SLC25A13: variants seen among roughly 807,000 people sequenced by gnomAD.
SLC25A13 encodes the protein solute carrier family 25 member 13.
Under a neutral mutation model 85.5 loss-of-function variants are expected in SLC25A13, and 70 were observed. The observed-to-expected ratio is 0.82, with a 90% CI of 0.68 to 1.00. SLC25A13 has a LOEUF of 1.00. Among genes scored for constraint, SLC25A13 ranks in the 50% least tolerant of loss-of-function variants. SLC25A13 has a pLI of 0.00. For missense variants in SLC25A13, 765 were observed against 819.8 expected (o/e 0.93, Z 0.82); for synonymous variants, 259 against 288.7 (o/e 0.90, Z 1.04).
chr7:96,141,443 G>A (rs1216098966), intron 14 of SLC25A13, among the ~76,000 whole-genome samples: 6 of 152,206 alleles, frequency 3.9e-5, no homozygotes, highest in Non-Finnish European at 7.3e-5. Flanking sequence ...AGCTCTCAAT[G>A]AGTGTGTTGA....
chr7:96,173,978 T>C (rs961188896), intron 11 of SLC25A13, among the ~76,000 whole-genome samples: 44 of 152,200 alleles, frequency 2.9e-4, no homozygotes, highest in African/African-American at 1.1e-3. Context: ...AAGCAGCCAA[T>C]TGGAAGTCAC....
chr7:96,156,098 CTTCTAAGAGATAAAGA>C, intron 13 of SLC25A13, among the ~76,000 whole-genome samples: 1 of 152,122 alleles, frequency 6.6e-6, no homozygotes, highest in African/African-American at 2.4e-5. Context: ...ACTTTAAGAG[CTTCTAAGAGATAAAGA>C]TAAACCAATG....
chr7:96,314,090 A>AAAGAAGAAGGAAGGAGAAGGAGGAGG (rs1800044552), intron 1 of SLC25A13, among the ~76,000 whole-genome samples: 1 of 152,112 alleles, frequency 6.6e-6, no homozygotes, highest in Non-Finnish European at 1.5e-5. Context: ...ACGAAAGAAG[A>AAAGAAGAAGGAAGGAGAAGGAGGAGG]AAGAAGAAGG....
At chr7:96,250,836 T>C (rs535093771) in intron 3 of SLC25A13, among the ~76,000 whole-genome samples, 2 of 149,286 alleles carry the variant, frequency 1.3e-5, no homozygotes, top group Admixed American at 6.7e-5. Context: ...GAAGGAACCA[T>C]AGAGAGAAAT....
chr7:96,305,914 G>A (rs547236850), intron 1 of SLC25A13, among the ~76,000 whole-genome samples: 1 of 152,302 alleles, frequency 6.6e-6, no homozygotes, highest in Non-Finnish European at 1.5e-5. Flanking sequence ...AAGGAAAGGG[G>A]CTCTCTGCAC....
At chr7:96,223,506 G>A (rs1183461766) in intron 4 of SLC25A13, among the ~76,000 whole-genome samples, 2 of 152,002 alleles carry the variant, frequency 1.3e-5, no homozygotes, top group East Asian at 1.9e-4. Flanking sequence ...TCAAGCTCTC[G>A]GCTAGGCACG....
chr7:96,301,622 T>C (rs1258433287), intron 1 of SLC25A13, among the ~76,000 whole-genome samples: 1 of 151,624 alleles, frequency 6.6e-6, no homozygotes, highest in East Asian at 1.9e-4. Flanking sequence ...AGAGAGGGTT[T>C]TGGTGTTTTG....
At chr7:96,188,213 T>C (rs190970945) in intron 9 of SLC25A13, among the ~76,000 whole-genome samples, 2 of 152,280 alleles carry the variant, frequency 1.3e-5, no homozygotes, top group Non-Finnish European at 2.9e-5. Context: ...CCTCTACACG[T>C]GATTATAGTT....
Position 96,120,303 on chromosome 7 carries a change from T to A in SLC25A13, c.*888A>T. 2.2e-6 allele frequency: 1 copy of A among 454,116 alleles called. No individual in the cohort carries two copies. The highest frequency in any genetic ancestry group is 4.4e-6 in the Non-Finnish European group (1 of 226,770). The allele number at this position is 454,116 out of a possible 1,614,324, so 28.1% of individuals were successfully genotyped here. Reference sequence around the variant, plus strand: ...CAAGGCAACATGAATTAAATACTTATGTCAGAACATATTTGTCTTACATTA... The same window carrying A: ...CAAGGCAACATGAATTAAATACTTAAGTCAGAACATATTTGTCTTACATTA... On this transcript the variant is annotated 3_prime_UTR_variant, in exon 18 of 18. Coordinates refer to ENST00000265631, the MANE Select transcript of SLC25A13 (RefSeq NM_014251.3).
chr7:96,166,433 T>C (rs1433255512), intron 13 of SLC25A13, among the ~76,000 whole-genome samples: 1 of 152,208 alleles, frequency 6.6e-6, no homozygotes, highest in Non-Finnish European at 1.5e-5. Flanking sequence ...AATATTAGAT[T>C]TATTTTCAGG....
chr7:96,321,797 C>T, intron 1 of SLC25A13, 145 bp downstream of exon 1: 1 of 1,090,128 alleles, frequency 9.2e-7, no homozygotes, highest in Non-Finnish European at 1.3e-6. Flanking sequence ...CCCCCTCCCT[C>T]CAGCAGCCGC....
At chr7:96,269,989 G>T (rs1440467950) in intron 3 of SLC25A13, among the ~76,000 whole-genome samples, 1 of 152,164 alleles carries the variant, frequency 6.6e-6, no homozygotes, top group Non-Finnish European at 1.5e-5. Flanking sequence ...GAAAGGCCCT[G>T]GAGTGATGTT....
chr7:96,265,547 C>T (rs1371650564), intron 3 of SLC25A13, among the ~76,000 whole-genome samples: 1 of 152,176 alleles, frequency 6.6e-6, no homozygotes, highest in Non-Finnish European at 1.5e-5. Context: ...GTTCTTTATG[C>T]ATACTTGCCA....
chr7:96,217,589 G>A (rs1235685753), intron 4 of SLC25A13, among the ~76,000 whole-genome samples: 1 of 152,158 alleles, frequency 6.6e-6, no homozygotes, highest in Admixed American at 6.5e-5. Context: ...CATCATGGAT[G>A]AGCCTTGGAA....
chr7:96,234,544 T>C (rs1796672598), intron 4 of SLC25A13, among the ~76,000 whole-genome samples: 1 of 152,188 alleles, frequency 6.6e-6, no homozygotes, highest in Non-Finnish European at 1.5e-5. Context: ...TATGACTCTA[T>C]GAAAACAGTC....
chr7:96,237,457 T>C (rs10273501), intron 3 of SLC25A13, among the ~76,000 whole-genome samples: 4,494 of 152,270 alleles, frequency 0.03, 219 homozygotes, highest in African/African-American at 0.1. Flanking sequence ...AAGAGCGAGA[T>C]GCCAGCCACC....
chr7:96,319,493 G>C (rs974825427), intron 1 of SLC25A13, among the ~76,000 whole-genome samples: 2 of 126,390 alleles, frequency 1.6e-5, no homozygotes, highest in Admixed American at 2.1e-4. Context: ...AGTGAGGCAA[G>C]ATCATGCCAC....
intron 2 of SLC25A13, among the ~76,000 whole-genome samples, chr7:96,284,874 A>T (rs1254556340): frequency 6.6e-6 from 1 of 152,240 alleles, no homozygotes; most frequent in African/African-American, 2.4e-5. Context: ...ACCCAGTCTC[A>T]GGTATGCCTT....
chr7:96,167,307 TAATA>T (rs1396805424), intron 13 of SLC25A13, among the ~76,000 whole-genome samples: 1 of 152,184 alleles, frequency 6.6e-6, no homozygotes. Context: ...ATATCAAAAA[TAATA>T]AATAAGAAAT....
Sources: allele counts gnomAD v4.1 joint callset (sites outside exome capture counted in the v4.1 genomes callset), GRCh38; gene constraint gnomAD v4.1.1; transcripts MANE v1.5; gene names NCBI Gene and HGNC (gene_info 2026-07-23, HGNC 2026-07-21).